The following DIAPH2 variants were observed in gnomAD, a reference collection of about 807,000 sequenced individuals.
The protein encoded by DIAPH2 is diaphanous related formin 2.
In DIAPH2, 35 loss-of-function variants were observed where a neutral mutation model predicts 92.7. The ratio of observed to expected loss-of-function variants is 0.38; its 90% CI spans 0.29 to 0.50. The LOEUF (loss-of-function observed/expected upper bound fraction) is 0.50, where lower values mean the gene tolerates loss of function less well. DIAPH2 is among the 20% of genes least tolerant of loss of function. DIAPH2 has a pLI of 0.94. For missense variants in DIAPH2, 701 were observed against 819.5 expected (o/e 0.86, Z 1.77); for synonymous variants, 301 against 280.4 (o/e 1.07, Z -0.73).
chrX:97,192,600 G>A (rs2067664124), intron 22 of DIAPH2, among the ~76,000 whole-genome samples: 1 of 111,683 alleles, frequency 9.0e-6, no homozygotes, highest in African/African-American at 3.3e-5. Context: ...TAAGCTCAAT[G>A]TATTCAGTAT....
intron 22 of DIAPH2, among the ~76,000 whole-genome samples, chrX:97,231,889 C>G (rs2068012228): frequency 9.1e-6 from 1 of 109,588 alleles, no homozygotes; most frequent in African/African-American, 3.3e-5. Flanking sequence ...AAAGAAATTA[C>G]AAAATACAAA....
intron 1 of DIAPH2, among the ~76,000 whole-genome samples, chrX:96,687,288 A>G (rs2063775846): frequency 8.9e-6 from 1 of 112,069 alleles, no homozygotes; most frequent in African/African-American, 3.2e-5. Flanking sequence ...TAACTACTCA[A>G]TGTCTACATA....
At chrX:97,090,910 C>G (rs2066820238) in intron 19 of DIAPH2, among the ~76,000 whole-genome samples, 1 of 112,036 alleles carries the variant, frequency 8.9e-6, no homozygotes, top group Non-Finnish European at 1.9e-5. Context: ...CCCTTCTCCC[C>G]AGAAGAAACC....
chrX:97,117,100 G>T (rs2067021973), intron 21 of DIAPH2, among the ~76,000 whole-genome samples: 1 of 110,767 alleles, frequency 9.0e-6, no homozygotes, highest in East Asian at 2.8e-4. Flanking sequence ...TTTAAAATCT[G>T]TCCCCCAACT....
At chrX:97,477,008 C>T (rs1189653416) in intron 26 of DIAPH2, among the ~76,000 whole-genome samples, 9 of 94,581 alleles carry the variant, frequency 9.5e-5, no homozygotes, top group African/African-American at 3.2e-4. Context: ...CACACACACA[C>T]ACACACACAC....
At chrX:97,394,016 C>G (rs2069682970) in intron 25 of DIAPH2, among the ~76,000 whole-genome samples, 3 of 111,759 alleles carry the variant, frequency 2.7e-5, no homozygotes, top group Non-Finnish European at 5.6e-5. Flanking sequence ...TGGTTGATAG[C>G]AATTTTGTTT....
chrX:97,415,660 A>G (rs755814850), intron 25 of DIAPH2, among the ~76,000 whole-genome samples: 1 of 97,126 alleles, frequency 1.0e-5, no homozygotes, highest in South Asian at 5.6e-4. Context: ...CAATGAGATC[A>G]CTTGGACACA....
chrX:96,717,818 A>G (rs1246127406), intron 1 of DIAPH2, among the ~76,000 whole-genome samples: 3 of 5,980 alleles, frequency 5.0e-4, no homozygotes, highest in Admixed American at 2.3e-3. Context: ...GGTATATAGT[A>G]TATATATATA....
At chrX:96,743,092 A>AT (rs67903610) in intron 3 of DIAPH2, among the ~76,000 whole-genome samples, 1 of 112,010 alleles carries the variant, frequency 8.9e-6, no homozygotes, top group Non-Finnish European at 1.9e-5. Context: ...CCTCTTTATG[A>AT]TTTTTTTTAA....
At chrX:97,436,030 C>T (rs779714764) in intron 26 of DIAPH2, among the ~76,000 whole-genome samples, 3 of 110,943 alleles carry the variant, frequency 2.7e-5, no homozygotes, top group Admixed American at 9.6e-5. Context: ...TGGTCTCAAT[C>T]TCCTGACCTC....
intron 9 of DIAPH2, among the ~76,000 whole-genome samples, chrX:96,922,214 C>T (rs899735331): frequency 2.7e-5 from 3 of 111,040 alleles, no homozygotes; most frequent in Admixed American, 9.6e-5. Flanking sequence ...CTATAGATAA[C>T]GTGCTTTAAC....
intron 14 of DIAPH2, among the ~76,000 whole-genome samples, chrX:96,947,217 C>T (rs746848343): frequency 1.8e-5 from 2 of 111,774 alleles, no homozygotes; most frequent in South Asian, 7.5e-4. Flanking sequence ...AAAGCAGAAA[C>T]ATTGTGTGCC....
intron 26 of DIAPH2, among the ~76,000 whole-genome samples, chrX:97,578,248 C>A (rs1405137830): frequency 9.5e-6 from 1 of 104,841 alleles, no homozygotes; most frequent in African/African-American, 3.5e-5. Context: ...TATACATGTG[C>A]CGTGCTGGTG....
intron 21 of DIAPH2, among the ~76,000 whole-genome samples, chrX:97,120,523 T>G (rs1276747020): frequency 9.1e-6 from 1 of 109,520 alleles, no homozygotes; most frequent in Non-Finnish European, 1.9e-5. Flanking sequence ...TCCATCCGAG[T>G]TGGAGCTGCA....
intron 17 of DIAPH2, among the ~76,000 whole-genome samples, chrX:97,002,241 T>C (rs1218641483): frequency 2.7e-5 from 3 of 110,789 alleles, no homozygotes; most frequent in East Asian, 5.6e-4. Flanking sequence ...TTATTAAAAG[T>C]TTTATCCCTT....
At chrX:97,507,202 A>G (rs912602560) in intron 26 of DIAPH2, among the ~76,000 whole-genome samples, 2 of 106,827 alleles carry the variant, frequency 1.9e-5, no homozygotes, top group Non-Finnish European at 3.9e-5. Context: ...CTATTTTTTT[A>G]CAACAATTTT....
rs763229337 is a variant in DIAPH2, at chrX:97,599,977, C to G, written c.*660C>G. ...TCAGCATGATATTGCAAGCACTTCT[C>G]ATTGCTAAAAATAAATAAACCAAAG... On this transcript the variant is annotated 3_prime_UTR_variant, in exon 27 of 27. Coordinates refer to ENST00000324765, the MANE Select transcript of DIAPH2 (RefSeq NM_006729.5). 8.9e-6 allele frequency: 1 copy of G among 112,601 alleles called. No homozygotes were observed. Among genetic ancestry groups the G allele is most frequent in the Non-Finnish European group, 1.9e-5 (1 of 53,216 alleles). 9.3% of individuals were successfully genotyped at this position (112,601 alleles called of 1,213,427 possible). A position where few individuals can be genotyped will look rare whatever the true frequency, so the allele number is the denominator to read the frequency against.
At chrX:97,353,050 G>A (rs2069233366) in intron 24 of DIAPH2, among the ~76,000 whole-genome samples, 1 of 109,414 alleles carries the variant, frequency 9.1e-6, no homozygotes, top group Admixed American at 9.8e-5. Context: ...TGGGTATGAT[G>A]TATGTTATTC....
At chrX:96,797,035 A>G (rs2064545214) in intron 4 of DIAPH2, among the ~76,000 whole-genome samples, 2 of 111,828 alleles carry the variant, frequency 1.8e-5, no homozygotes, top group Non-Finnish European at 3.8e-5. Context: ...TTGTCTATAA[A>G]TGTATTTATT....
Sources: gnomAD v4.1 joint callset for allele counts (sites outside exome capture counted in the v4.1 genomes callset) on GRCh38, gnomAD v4.1.1 for gene constraint, MANE v1.5 for transcripts, NCBI Gene and HGNC (gene_info 2026-07-23, HGNC 2026-07-21) for gene names.